STXBP5L: variants seen among roughly 807,000 people sequenced by gnomAD.
STXBP5L encodes the protein syntaxin-binding protein 5-like.
In STXBP5L, 65 loss-of-function variants were observed where a neutral mutation model predicts 144.5. The ratio of observed to expected loss-of-function variants is 0.45; its 90% CI spans 0.37 to 0.55. The LOEUF is 0.55. Ranked by LOEUF, STXBP5L falls within the 20% of genes least tolerant of loss-of-function variation. The pLI is 0.00. For synonymous variants in STXBP5L, 505 were observed against 469.6 expected (o/e 1.08, Z -0.97); for missense variants, 1,298 against 1,405.5 (o/e 0.92, Z 1.22).
At chr3:120,971,913 C>T (rs603635) in intron 3 of STXBP5L, among the ~76,000 whole-genome samples, 32,406 of 151,748 alleles carry the variant, frequency 0.21, 3,688 homozygotes, top group Non-Finnish European at 0.26. Flanking sequence ...TTTTAACCAA[C>T]CCTTCATATC....
chr3:121,137,820 C>G (rs1329370752), intron 7 of STXBP5L, among the ~76,000 whole-genome samples: 3 of 152,096 alleles, frequency 2.0e-5, no homozygotes, highest in Non-Finnish European at 4.4e-5. Context: ...CACAGCTAAC[C>G]TCATACTGAA....
rs969641901 is a variant in STXBP5L at position 121,403,260 on chromosome 3, T to C, written c.2588-3983T>C. Among the ~76,000 whole-genome samples, 5 of 152,254 alleles carry C rather than the reference T, an allele frequency of 3.3e-5. No individual in the cohort carries two copies. In the East Asian group the frequency reaches 9.7e-4, roughly 29 times the overall value. ...ATCTCCTGGCCTATCCTAAAGGGAATCAAGGTTGGAAGCAGGGAGAGCAGT... is the reference window on the plus strand; with the variant it reads ...ATCTCCTGGCCTATCCTAAAGGGAACCAAGGTTGGAAGCAGGGAGAGCAGT... On this transcript the variant is annotated intron_variant, in intron 22 of 26. Transcript: ENST00000471454.
intron 6 of STXBP5L, among the ~76,000 whole-genome samples, chr3:121,116,642 T>C (rs2044241403): frequency 6.6e-6 from 1 of 152,104 alleles, no homozygotes; most frequent in Non-Finnish European, 1.5e-5. Context: ...GTTTTCAAGA[T>C]AATTGGTGTG....
In STXBP5L at chr3:121,060,455, A is replaced by G. The variant is rs555129361; in HGVS notation, c.470+14920A>G. Among the ~76,000 whole-genome samples the G allele has an allele frequency of 2.6e-4, 40 of 152,294 alleles. 1 individual carries two copies. In the South Asian group the frequency reaches 8.3e-3, roughly 32 times the overall value. On this transcript the variant is annotated intron_variant, in intron 5 of 26. Coordinates refer to ENST00000471454, the MANE Select transcript of STXBP5L (RefSeq NM_001308330.2). ...TTTCCTTGTTTGTTGTGTCTCTGCC[A>G]GATTTTGGTGTCAGGATGAAGCTGG...
chr3:121,394,063 G>A (rs1216455060), intron 22 of STXBP5L, among the ~76,000 whole-genome samples: 1 of 151,966 alleles, frequency 6.6e-6, no homozygotes. Context: ...TATGAGTATG[G>A]GATGTTTTTT....
intron 5 of STXBP5L, among the ~76,000 whole-genome samples, chr3:121,048,254 C>A (rs1947662105): frequency 6.6e-6 from 1 of 151,992 alleles, no homozygotes; most frequent in Non-Finnish European, 1.5e-5. Context: ...AGGTGACATG[C>A]CCCTTCTCTC....
intron 5 of STXBP5L, among the ~76,000 whole-genome samples, chr3:121,105,386 CTCTG>C (rs1287227887): frequency 7.8e-6 from 1 of 128,072 alleles, no homozygotes; most frequent in Non-Finnish European, 1.6e-5. Flanking sequence ...CAGAGTGAGA[CTCTG>C]TCTCAAAATA....
chr3:121,106,789 T>G (rs2043734634), intron 5 of STXBP5L, among the ~76,000 whole-genome samples: 1 of 152,210 alleles, frequency 6.6e-6, no homozygotes, highest in Admixed American at 6.5e-5. Context: ...AAATAGTATT[T>G]CTGGTTGTAG....
chr3:121,062,727 TC>T (rs1300927455), intron 5 of STXBP5L, among the ~76,000 whole-genome samples: 2 of 152,228 alleles, frequency 1.3e-5, no homozygotes, highest in African/African-American at 4.8e-5. Flanking sequence ...TTTTTTCTAA[TC>T]TTGTCTTCGT....
chr3:121,049,287 T>TG (rs1053878842), intron 5 of STXBP5L, among the ~76,000 whole-genome samples: 4 of 152,052 alleles, frequency 2.6e-5, no homozygotes, highest in African/African-American at 9.7e-5. Flanking sequence ...CATGGTGGCC[T>TG]GCCTTTCCCA....
intron 5 of STXBP5L, among the ~76,000 whole-genome samples, chr3:121,103,471 C>T (rs1169756577): frequency 2.6e-5 from 4 of 151,918 alleles, no homozygotes; most frequent in African/African-American, 9.7e-5. Flanking sequence ...CTCAAGTATA[C>T]ATCGGAGCTA....
intron 9 of STXBP5L, among the ~76,000 whole-genome samples, chr3:121,184,014 T>C (rs531665426): frequency 6.6e-6 from 1 of 151,710 alleles, no homozygotes; most frequent in Non-Finnish European, 1.5e-5. Context: ...AGGAATAGCA[T>C]CGACACCAAC....
intron 5 of STXBP5L, among the ~76,000 whole-genome samples, chr3:121,092,340 G>T (rs2042855471): frequency 6.6e-6 from 1 of 152,040 alleles, no homozygotes. Context: ...GGATGGCATT[G>T]AATCTATAAA....
intron 5 of STXBP5L, among the ~76,000 whole-genome samples, chr3:121,046,415 A>C (rs1034456276): frequency 6.6e-6 from 1 of 152,006 alleles, no homozygotes; most frequent in East Asian, 1.9e-4. Flanking sequence ...AATTTTTTGG[A>C]GTAGTTTCAG....
chr3:121,352,082 T>C (rs1203655208), intron 20 of STXBP5L, among the ~76,000 whole-genome samples: 1 of 152,182 alleles, frequency 6.6e-6, no homozygotes, highest in Non-Finnish European at 1.5e-5. Flanking sequence ...TTTTGTTTAC[T>C]GTAGCCTTGT....
At chr3:121,350,087 T>C (rs1339694907) in intron 20 of STXBP5L, among the ~76,000 whole-genome samples, 1 of 152,178 alleles carries the variant, frequency 6.6e-6, no homozygotes. Flanking sequence ...GTTTTTGCAG[T>C]GGCTGGTACC....
At chr3:120,960,451 C>T (rs1938632986) in intron 3 of STXBP5L, among the ~76,000 whole-genome samples, 1 of 152,184 alleles carries the variant, frequency 6.6e-6, no homozygotes, top group Admixed American at 6.5e-5. Flanking sequence ...TATAAAAACA[C>T]ATGCACACGT....
chr3:121,027,099 G>C (rs185241980), intron 3 of STXBP5L, among the ~76,000 whole-genome samples: 3 of 151,552 alleles, frequency 2.0e-5, no homozygotes, highest in African/African-American at 7.3e-5. Flanking sequence ...GTGTATATAT[G>C]TATATATATA....
At chr3:121,046,662 A>T (rs1947536015) in intron 5 of STXBP5L, among the ~76,000 whole-genome samples, 1 of 152,104 alleles carries the variant, frequency 6.6e-6, no homozygotes, top group African/African-American at 2.4e-5. Flanking sequence ...TGTTCATAGC[A>T]GTCTCTGAGG....
Sources: gnomAD v4.1 joint callset for allele counts (sites outside exome capture counted in the v4.1 genomes callset) on GRCh38, gnomAD v4.1.1 for gene constraint, MANE v1.5 for transcripts, NCBI Gene and HGNC (gene_info 2026-07-23, HGNC 2026-07-21) for gene names.